The following ARHGAP31 variants were observed in gnomAD, a reference collection of about 807,000 sequenced individuals.
ARHGAP31 encodes the protein Rho GTPase activating protein 31.
ARHGAP31 carries 34 observed loss-of-function variants against 113.9 expected under a neutral mutation model. That is an observed-to-expected ratio of 0.30 (90% CI 0.23 to 0.40). ARHGAP31 has a LOEUF of 0.40. Ranked by LOEUF, ARHGAP31 falls within the 10% of genes least tolerant of loss-of-function variation. The pLI, the probability that ARHGAP31 is intolerant of heterozygous loss-of-function variation, is 1.00. For synonymous variants in ARHGAP31, 650 were observed against 684.8 expected (o/e 0.95, Z 0.79); for missense variants, 1,548 against 1,767.1 (o/e 0.88, Z 2.22).
At chr3:119,340,690 A>G (rs2080000099) in intron 1 of ARHGAP31, among the ~76,000 whole-genome samples, 1 of 152,190 alleles carries the variant, frequency 6.6e-6, no homozygotes, top group African/African-American at 2.4e-5. Context: ...TACCCAGCCT[A>G]GTGCGCAGTG....
intron 3 of ARHGAP31, among the ~76,000 whole-genome samples, chr3:119,379,571 G>C (rs181016427): frequency 8.0e-4 from 120 of 149,712 alleles, no homozygotes; most frequent in African/African-American, 2.7e-3. Context: ...GGGTTGTATG[G>C]CAAAGGGCAA....
At chr3:119,308,788 G>C (rs2079653010) in intron 1 of ARHGAP31, among the ~76,000 whole-genome samples, 1 of 152,198 alleles carries the variant, frequency 6.6e-6, no homozygotes, top group Non-Finnish European at 1.5e-5. Flanking sequence ...GCCCATACCT[G>C]ATGACCTCTG....
chr3:119,358,087 C>G (rs2080173799), intron 1 of ARHGAP31, among the ~76,000 whole-genome samples: 1 of 152,154 alleles, frequency 6.6e-6, no homozygotes, highest in Non-Finnish European at 1.5e-5. Flanking sequence ...AAAGACCACC[C>G]ACAGCATAGG....
chr3:119,348,394 T>G (rs4687846), intron 1 of ARHGAP31, among the ~76,000 whole-genome samples: 75,119 of 152,028 alleles, frequency 0.49, 20,109 homozygotes, highest in African/African-American at 0.72. Flanking sequence ...CAAAAAGGTC[T>G]GGGACCACTG....
intron 3 of ARHGAP31, among the ~76,000 whole-genome samples, chr3:119,378,709 C>T (rs559790176): frequency 4.6e-4 from 70 of 152,248 alleles, no homozygotes; most frequent in Admixed American, 2.1e-3. Context: ...CTTGGCTCCC[C>T]GGCTCCCCAG....
chr3:119,401,405 T>G (rs919285478), intron 9 of ARHGAP31, among the ~76,000 whole-genome samples: 1 of 152,124 alleles, frequency 6.6e-6, no homozygotes, highest in African/African-American at 2.4e-5. Flanking sequence ...AAGACAAGAT[T>G]CTGTTTATTT....
chr3:119,309,112 G>T lies in ARHGAP31; in HGVS notation c.100+14108G>T, dbSNP rs145928865. ...TCACCTTTGCCTCCCAAAATGCTGG[G>T]TTTACAGGTGTGAGCCACCGTGCCT... On this transcript the variant is annotated intron_variant, in intron 1 of 11. Coordinates refer to ENST00000264245, the MANE Select transcript of ARHGAP31 (RefSeq NM_020754.4). Among the ~76,000 whole-genome samples, 751 of 152,246 alleles carry T rather than the reference G, an allele frequency of 4.9e-3. 3 individuals are homozygous for T. Among genetic ancestry groups the T allele is most frequent in the Middle Eastern group, 0.02 (6 of 294 alleles).
intron 3 of ARHGAP31, among the ~76,000 whole-genome samples, chr3:119,375,015 GT>G (rs2107627633): frequency 6.6e-6 from 1 of 150,938 alleles, no homozygotes; most frequent in African/African-American, 2.4e-5. Flanking sequence ...TTTTTTTTTT[GT>G]TTTGCTTTTT....
intron 3 of ARHGAP31, among the ~76,000 whole-genome samples, chr3:119,377,952 G>A (rs1473288068): frequency 6.6e-6 from 1 of 152,158 alleles, no homozygotes; most frequent in Non-Finnish European, 1.5e-5. Context: ...TGCCCGGGCA[G>A]CAGGACTTGA....
chr3:119,387,567 A>G lies in ARHGAP31; in HGVS notation c.683-3218A>G, dbSNP rs181748735. Among the ~76,000 whole-genome samples the G allele has an allele frequency of 1.4e-4, 21 of 152,332 alleles. No individual in the cohort carries two copies. The East Asian group carries it at 2.9e-3, about 21-fold the overall frequency. On this transcript the variant is annotated intron_variant, in intron 6 of 11. Coordinates refer to ENST00000264245, the MANE Select transcript of ARHGAP31 (RefSeq NM_020754.4). The stretch of plus-strand genomic sequence containing the variant: ...ACAGCTTTGAGGATTCTATTTTAAC[A>G]TATGAATTTTGAGGGGACAGAAACA...
At chr3:119,298,201 G>T (rs2079550134) in intron 1 of ARHGAP31, among the ~76,000 whole-genome samples, 1 of 152,120 alleles carries the variant, frequency 6.6e-6, no homozygotes. Flanking sequence ...AGTGGCTGCT[G>T]CCCCCAACCC....
At chr3:119,386,587 C>T (rs908379866) in intron 6 of ARHGAP31, among the ~76,000 whole-genome samples, 26 of 152,208 alleles carry the variant, frequency 1.7e-4, no homozygotes, top group Middle Eastern at 3.4e-3. Flanking sequence ...CTGTGTGCGG[C>T]GACGAGAGAG....
At chr3:119,321,021 A>C (rs2079778410) in intron 1 of ARHGAP31, among the ~76,000 whole-genome samples, 1 of 152,140 alleles carries the variant, frequency 6.6e-6, no homozygotes, top group African/African-American at 2.4e-5. Flanking sequence ...TGGCCTCCCC[A>C]GCCATGTGGA....
At chr3:119,406,089 G>A (rs567022180) in intron 10 of ARHGAP31, among the ~76,000 whole-genome samples, 1 of 152,318 alleles carries the variant, frequency 6.6e-6, no homozygotes, top group East Asian at 1.9e-4. Flanking sequence ...CCTGTTAGGG[G>A]AGTGTGAGAA....
At chr3:119,354,188 TG>T (rs1389660209) in intron 1 of ARHGAP31, among the ~76,000 whole-genome samples, 3 of 152,200 alleles carry the variant, frequency 2.0e-5, no homozygotes, top group African/African-American at 7.2e-5. Flanking sequence ...GCCAGCAGGT[TG>T]GGCAAATATT....
At chr3:119,377,875 G>C (rs1478057277) in intron 3 of ARHGAP31, among the ~76,000 whole-genome samples, 1 of 151,916 alleles carries the variant, frequency 6.6e-6, no homozygotes, top group Non-Finnish European at 1.5e-5. Context: ...AGTTAAAGTT[G>C]CAGCTGGGGT....
intron 1 of ARHGAP31, among the ~76,000 whole-genome samples, chr3:119,349,682 T>G (rs1192501765): frequency 6.6e-6 from 1 of 152,256 alleles, no homozygotes; most frequent in Non-Finnish European, 1.5e-5. Context: ...AACAATGGGC[T>G]GTCCCTCCTC....
At chr3:119,367,106 AT>A (rs1356315739) in intron 2 of ARHGAP31, among the ~76,000 whole-genome samples, 1 of 147,530 alleles carries the variant, frequency 6.8e-6, no homozygotes, top group African/African-American at 2.6e-5. Flanking sequence ...AAAAAAAAAA[AT>A]AGCATGGCAT....
intron 1 of ARHGAP31, among the ~76,000 whole-genome samples, chr3:119,364,204 C>T (rs2080234123): frequency 8.6e-6 from 1 of 116,574 alleles, no homozygotes; most frequent in Non-Finnish European, 1.6e-5. Context: ...AAATCAATGA[C>T]TGGTTTCAAT....
Sources: allele counts gnomAD v4.1 joint callset (sites outside exome capture counted in the v4.1 genomes callset), GRCh38; gene constraint gnomAD v4.1.1; transcripts MANE v1.5; gene names NCBI Gene and HGNC (gene_info 2026-07-23, HGNC 2026-07-21).